Variants in WNT9A observed in about 807,000 individuals in gnomAD.
WNT9A encodes protein Wnt-9a.
WNT9A carries 8 observed loss-of-function variants against 31.4 expected under a neutral mutation model. That is an observed-to-expected ratio of 0.26 (90% CI 0.15 to 0.46). The LOEUF (loss-of-function observed/expected upper bound fraction) is 0.46, where lower values mean the gene tolerates loss of function less well. Among genes scored for constraint, WNT9A ranks in the 20% least tolerant of loss-of-function variants. The pLI, the probability that WNT9A is intolerant of heterozygous loss-of-function variation, is 0.99. For synonymous variants in WNT9A, 236 were observed against 220.1 expected (o/e 1.07, Z -0.64); for missense variants, 457 against 522.9 (o/e 0.87, Z 1.23).
In WNT9A at chr1:227,924,354, C is replaced by T; in HGVS notation, c.399G>A (p.Leu133=). 6.2e-7 allele frequency: 1 copy of T among 1,613,384 alleles called. No individual in the cohort carries two copies. Among genetic ancestry groups the T allele is most frequent in the Non-Finnish European group, 8.5e-7 (1 of 1,179,796 alleles). The part of the protein sequence containing the change: ...AFLYAISSAG[L]THALAKACSA... ...TGCACGCCTTGGCCAGTGCGTGCGT[C>T]AGGCCAGCCGAGGAGATGGCATAGA... Residue 133 remains leucine (L), a synonymous_variant, in exon 3 of 4, where the codon CTG becomes CTA. Coordinates refer to ENST00000272164, the MANE Select transcript of WNT9A (RefSeq NM_003395.4).
At chr1:227,929,581 C>A (rs1666474233) in intron 1 of WNT9A, among the ~76,000 whole-genome samples, 1 of 152,198 alleles carries the variant, frequency 6.6e-6, no homozygotes, top group Non-Finnish European at 1.5e-5. Flanking sequence ...CGCATGTAAA[C>A]CCAGAACTTT....
At position 227,925,126 on chromosome 1, in the gene WNT9A, C is replaced by G. The variant is rs189605908; in HGVS notation, c.352+137G>C. The G allele has an allele frequency of 3.0e-6, 4 of 1,344,978 alleles. No individual in the cohort carries two copies. Among genetic ancestry groups the G allele is most frequent in the Admixed American group, 3.1e-5 (1 of 32,042 alleles). The allele number at this position is 1,344,978 out of a possible 1,614,324, so 83.3% of individuals were successfully genotyped here. A position where few individuals can be genotyped will look rare whatever the true frequency, so the allele number is the denominator to read the frequency against. Reference sequence around the variant, plus strand: ...GTCCCGGGGCTGCCCTTTCCAGGGCCTAGGCCCAGGAGCTCTGGGCAGGCT... The same window carrying G: ...GTCCCGGGGCTGCCCTTTCCAGGGCGTAGGCCCAGGAGCTCTGGGCAGGCT... On this transcript the variant is annotated intron_variant, in intron 2 of 3. Coordinates refer to ENST00000272164, the MANE Select transcript of WNT9A (RefSeq NM_003395.4). This position sits in a 1 kb window ranked among gnomAD's most constrained non-coding sequence, Gnocchi z 6.0.
At chr1:227,939,689 C>G (rs190947022) in intron 1 of WNT9A, among the ~76,000 whole-genome samples, 1 of 152,200 alleles carries the variant, frequency 6.6e-6, no homozygotes, top group African/African-American at 2.4e-5. Context: ...CCACCCTGAC[C>G]GGGACCCAGC....
At chr1:227,938,399 TCA>T (rs148961829) in intron 1 of WNT9A, among the ~76,000 whole-genome samples, 6 of 129,446 alleles carry the variant, frequency 4.6e-5, no homozygotes, top group African/African-American at 1.5e-4. Flanking sequence ...ACAAACCCCC[TCA>T]CACACACACA....
chr1:227,924,023 A>G, intron 3 of WNT9A, 115 bp downstream of exon 3: 4 of 1,411,310 alleles, frequency 2.8e-6, no homozygotes, highest in Non-Finnish European at 2.9e-6. Flanking sequence ...AGGCCACTCC[A>G]CTGTGTGCCT....
chr1:227,940,592 G>A (rs999701781), intron 1 of WNT9A, among the ~76,000 whole-genome samples: 21 of 152,276 alleles, frequency 1.4e-4, no homozygotes, highest in Admixed American at 9.2e-4. Flanking sequence ...CAGGAGGGAC[G>A]CCGGCCCTGA....
chr1:227,926,028 C>T lies in WNT9A; in HGVS notation c.96-509G>A, dbSNP rs1666416343. The stretch of plus-strand genomic sequence containing the variant: ...GCTGGGATGTCTACAGTCCTGTGGC[C>T]CCCTGCAGCTTCCCAGCACTCCTGC... On this transcript the variant is annotated intron_variant, in intron 1 of 3. Coordinates refer to ENST00000272164, the MANE Select transcript of WNT9A (RefSeq NM_003395.4). This position sits in a 1 kb window ranked among gnomAD's most constrained non-coding sequence, Gnocchi z 5.0. 6.6e-6 allele frequency among the ~76,000 whole-genome samples: 1 copy of T among 152,062 alleles called. No individual in the cohort carries two copies. Among genetic ancestry groups the T allele is most frequent in the Non-Finnish European group, 1.5e-5 (1 of 67,986 alleles).
chr1:227,935,295 A>G (rs1666575561), intron 1 of WNT9A, among the ~76,000 whole-genome samples: 1 of 152,064 alleles, frequency 6.6e-6, no homozygotes, highest in South Asian at 2.1e-4. Flanking sequence ...CACAGTTCAC[A>G]TACAGAGCTT....
At chr1:227,934,635 C>G (rs1034393370) in intron 1 of WNT9A, among the ~76,000 whole-genome samples, 4 of 152,170 alleles carry the variant, frequency 2.6e-5, no homozygotes, top group African/African-American at 9.7e-5. Context: ...CTGTAGTTCT[C>G]TCTCTAGCTT....
In WNT9A at chr1:227,921,656, C is replaced by G; in HGVS notation, c.960G>C (p.Glu320Asp). Residue 320 changes from glutamate (E) to aspartate (D), a missense_variant, in exon 4 of 4, where the codon GAG becomes GAC. Physicochemically the swap from Glu to Asp is conservative, Grantham distance 45 (BLOSUM62 2). Transcript: ENST00000272164. ...TATGGCCGCGGCCACAGCAGATGCT[C>G]TCGCAGTTCTTCTCACGGTGGCACC... ...GRRCHREKNCESICCGRGHNT... is the reference protein window; with the variant it reads ...GRRCHREKNCDSICCGRGHNT... 6.2e-7 allele frequency: 1 copy of G among 1,613,366 alleles called. No individual in the cohort carries two copies. The highest frequency in any genetic ancestry group is 8.5e-7 in the Non-Finnish European group (1 of 1,179,998).
intron 1 of WNT9A, among the ~76,000 whole-genome samples, chr1:227,938,526 CACAG>C (rs1346368701): frequency 3.9e-5 from 6 of 151,964 alleles, no homozygotes; most frequent in Non-Finnish European, 7.4e-5. Context: ...CATGTGTACA[CACAG>C]ACACACCCAT....
chr1:227,939,988 C>T (rs1047644323), intron 1 of WNT9A, among the ~76,000 whole-genome samples: 5 of 152,196 alleles, frequency 3.3e-5, no homozygotes, highest in East Asian at 1.9e-4. Flanking sequence ...GGGCACATGC[C>T]GCAAGGATGG....
At position 227,920,256 on chromosome 1, in the gene WNT9A, C is replaced by T. The variant is rs189281954; in HGVS notation, c.*1262G>A. ...AGAAGCCCCAAGGGCTGTGGCCAGACGCAGCTCACTGTATTTCCTTAACTA... is the reference window on the plus strand; with the variant it reads ...AGAAGCCCCAAGGGCTGTGGCCAGATGCAGCTCACTGTATTTCCTTAACTA... On this transcript the variant is annotated 3_prime_UTR_variant, in exon 4 of 4. Transcript: ENST00000272164. 3.9e-5 allele frequency: 6 copies of T among 152,320 alleles called. No individual in the cohort carries two copies. Among genetic ancestry groups the T allele is most frequent in the East Asian group, 1.9e-4 (1 of 5,156 alleles). 9.4% of individuals were successfully genotyped at this position (152,320 alleles called of 1,614,324 possible).
chr1:227,946,639 GAGAGAAAGAAAAACACAA>G (rs1291569804), intron 1 of WNT9A, among the ~76,000 whole-genome samples: 1 of 152,260 alleles, frequency 6.6e-6, no homozygotes, highest in African/African-American at 2.4e-5. Flanking sequence ...AGAAGAAAGG[GAGAGAAAGAAAAACACAA>G]AGGGAAAGTT....
intron 1 of WNT9A, among the ~76,000 whole-genome samples, chr1:227,939,138 C>A (rs1330166138): frequency 6.6e-6 from 1 of 152,248 alleles, no homozygotes; most frequent in African/African-American, 2.4e-5. Flanking sequence ...GTCTCAACAC[C>A]CATACGTGGC....
chr1:227,922,904 G>A (rs772224220), intron 3 of WNT9A, among the ~76,000 whole-genome samples: 2 of 152,154 alleles, frequency 1.3e-5, no homozygotes, highest in Non-Finnish European at 2.9e-5. Context: ...CCCGGCAACC[G>A]AAGAGTCACA....
intron 3 of WNT9A, among the ~76,000 whole-genome samples, chr1:227,922,517 AC>A (rs1484443919): frequency 6.6e-6 from 1 of 151,952 alleles, no homozygotes; most frequent in Non-Finnish European, 1.5e-5. Context: ...CCCCCAACCC[AC>A]CGGTGCTGAG....
intron 1 of WNT9A, among the ~76,000 whole-genome samples, chr1:227,939,790 C>T (rs539903383): frequency 5.7e-4 from 87 of 152,302 alleles, no homozygotes; most frequent in African/African-American, 1.9e-3. Context: ...TGCCAGACAG[C>T]GTTTAATTTC....
rs1484339956 is a variant in WNT9A, at chr1:227,928,546, A to G, written c.96-3027T>C. Among the ~76,000 whole-genome samples the G allele has an allele frequency of 1.3e-5, 2 of 152,112 alleles. No homozygotes were observed. Among genetic ancestry groups the G allele is most frequent in the Non-Finnish European group, 2.9e-5 (2 of 67,992 alleles). ...GTAACCCCTGCCCCATGCCTCCTTC[A>G]TTGTCAGGGTGGGCTCCACATGCAG... On this transcript the variant is annotated intron_variant, in intron 1 of 3. Transcript: ENST00000272164. The surrounding 1 kb of genome is among the most constrained non-coding windows in gnomAD (Gnocchi z 4.5).
Sources: gnomAD v4.1 joint callset for allele counts (sites outside exome capture counted in the v4.1 genomes callset) on GRCh38, gnomAD v4.1.1 for gene constraint, Gnocchi (gnomAD v3.1) non-coding constraint, MANE v1.5 for transcripts, NCBI Gene and HGNC (gene_info 2026-07-23, HGNC 2026-07-21) for gene names.